The following DSCAM variants were observed in gnomAD, a reference collection of about 807,000 sequenced individuals.
The protein encoded by DSCAM is DS cell adhesion molecule, also known as cell adhesion molecule DSCAM.
In DSCAM, 47 loss-of-function variants were observed where a neutral mutation model predicts 217.7. That is an observed-to-expected ratio of 0.22 (90% CI 0.17 to 0.28). The LOEUF is 0.28. Ranked by LOEUF, DSCAM falls within the 10% of genes least tolerant of loss-of-function variation. The pLI is 1.00. For synonymous variants in DSCAM, 1,056 were observed against 1,015.3 expected (o/e 1.04, Z -0.76); for missense variants, 2,080 against 2,618.3 (o/e 0.79, Z 4.49).
chr21:40,075,313 G>A, intron 26 of DSCAM, 100 bp from the exon 27 acceptor site: 1 of 1,250,562 alleles, frequency 8.0e-7, no homozygotes, highest in Non-Finnish European at 1.1e-6. Context: ...GTGATCCAAG[G>A]GTGTTGGAGG....
intron 5 of DSCAM, among the ~76,000 whole-genome samples, chr21:40,348,170 C>A (rs1182674333): frequency 2.0e-5 from 3 of 152,248 alleles, no homozygotes; most frequent in Admixed American, 2.0e-4. Context: ...CAATCATACT[C>A]CACACAGTTC....
intron 27 of DSCAM, among the ~76,000 whole-genome samples, chr21:40,072,042 C>T (rs1014223221): frequency 2.0e-5 from 3 of 152,214 alleles, no homozygotes; most frequent in East Asian, 1.9e-4. Context: ...TGCACAGTTA[C>T]GGAGATGAGT....
chr21:40,700,701 G>A (rs1183639835), intron 2 of DSCAM, among the ~76,000 whole-genome samples: 2 of 150,802 alleles, frequency 1.3e-5, no homozygotes, highest in Admixed American at 6.6e-5. Context: ...TTTTCTGGAA[G>A]AATTTGTTTA....
chr21:40,531,505 A>G (rs2076446622), intron 3 of DSCAM, among the ~76,000 whole-genome samples: 1 of 152,154 alleles, frequency 6.6e-6, no homozygotes. Flanking sequence ...CCACGTCAGT[A>G]TTTCCACCAC....
At chr21:40,402,606 G>A (rs1484135531) in intron 3 of DSCAM, among the ~76,000 whole-genome samples, 1 of 151,228 alleles carries the variant, frequency 6.6e-6, no homozygotes, top group Non-Finnish European at 1.5e-5. Flanking sequence ...GGCAGACTGT[G>A]GCTCCTTGTA....
At chr21:40,450,120 G>T (rs1334301491) in intron 3 of DSCAM, among the ~76,000 whole-genome samples, 1 of 152,036 alleles carries the variant, frequency 6.6e-6, no homozygotes, top group Non-Finnish European at 1.5e-5. Flanking sequence ...TACAGGAAAT[G>T]GTTAACAAGT....
intron 3 of DSCAM, among the ~76,000 whole-genome samples, chr21:40,625,268 C>T (rs1181286858): frequency 6.6e-6 from 1 of 151,614 alleles, no homozygotes; most frequent in African/African-American, 2.4e-5. Context: ...TCCACATTTT[C>T]CAAAAGAAAA....
At chr21:40,297,691 A>G (rs543586962) in intron 9 of DSCAM, among the ~76,000 whole-genome samples, 1 of 152,332 alleles carries the variant, frequency 6.6e-6, no homozygotes, top group East Asian at 1.9e-4. Context: ...GGAAGGGAAA[A>G]TGTCAAGACA....
In DSCAM at chr21:40,144,348, G is replaced by T; in HGVS notation, c.3259+143C>A. On this transcript the variant is annotated intron_variant, in intron 17 of 32. Coordinates refer to ENST00000400454, the MANE Select transcript of DSCAM (RefSeq NM_001389.5). The surrounding 1 kb of genome is among the most constrained non-coding windows in gnomAD (Gnocchi z 4.8). ...CGGGGTGGGCGAGGTCACGAGGGAA[G>T]GCTTTTCCACCCGAGACCCCAGGCC... 7.3e-7 allele frequency: 1 copy of T among 1,365,524 alleles called. No homozygotes were observed. Among genetic ancestry groups the T allele is most frequent in the Non-Finnish European group, 1.0e-6 (1 of 1,001,526 alleles). 84.6% of individuals were successfully genotyped at this position (1,365,524 alleles called of 1,614,324 possible).
chr21:40,687,394 C>T lies in DSCAM; in HGVS notation c.508+5416G>A, dbSNP rs781103323. Among the ~76,000 whole-genome samples, 6 of 152,164 alleles carry T rather than the reference C, an allele frequency of 3.9e-5. No homozygotes were observed. In the South Asian group the frequency reaches 1.0e-3, roughly 26 times the overall value. ...ACTCAGGTCTCCGCAAGATAGCAGCCACAGCATAGCAGATGTCTGGAAAAT... is the reference window on the plus strand; with the variant it reads ...ACTCAGGTCTCCGCAAGATAGCAGCTACAGCATAGCAGATGTCTGGAAAAT... On this transcript the variant is annotated intron_variant, in intron 3 of 32. Transcript: ENST00000400454.
intron 11 of DSCAM, among the ~76,000 whole-genome samples, chr21:40,238,184 T>C (rs951366850): frequency 6.6e-6 from 1 of 152,120 alleles, no homozygotes. Context: ...CCTCCAGGAA[T>C]AGAAATATAA....
At chr21:40,755,842 A>G (rs995906411) in intron 1 of DSCAM, among the ~76,000 whole-genome samples, 11 of 152,316 alleles carry the variant, frequency 7.2e-5, no homozygotes, top group African/African-American at 2.6e-4. Context: ...TCCTTCATGC[A>G]TGTCCTTTGC....
chr21:40,795,762 T>C (rs1370365574), intron 1 of DSCAM, among the ~76,000 whole-genome samples: 1 of 152,174 alleles, frequency 6.6e-6, no homozygotes, highest in Admixed American at 6.5e-5. Flanking sequence ...AGTCAATCGT[T>C]GTCTAAAATT....
chr21:40,518,670 ATGTGTG>A, intron 3 of DSCAM, among the ~76,000 whole-genome samples: 1 of 138,120 alleles, frequency 7.2e-6, no homozygotes, highest in Non-Finnish European at 1.5e-5. Flanking sequence ...ATATATGTGT[ATGTGTG>A]TGTATGTATA....
At chr21:40,176,290 G>C (rs181746431) in intron 15 of DSCAM, among the ~76,000 whole-genome samples, 1 of 152,024 alleles carries the variant, frequency 6.6e-6, no homozygotes, top group Non-Finnish European at 1.5e-5. Context: ...TGGGCTCTGG[G>C]GAGTCACTAA....
In DSCAM at chr21:40,144,632, C is replaced by T. The variant is rs1352745511; in HGVS notation, c.3118G>A (p.Val1040Ile). Residue 1040 changes from valine to isoleucine, a missense_variant, in exon 17 of 33, where the codon GTC (valine) becomes ATC (isoleucine). Coordinates refer to ENST00000400454, the MANE Select transcript of DSCAM (RefSeq NM_001389.5). This position sits in a 1 kb window ranked among gnomAD's most constrained non-coding sequence, Gnocchi z 4.8. ...GGNFQFNIISVDTSGDSEVYT... is the reference protein window; with the variant it reads ...GGNFQFNIISIDTSGDSEVYT... ...ACCTCACTGTCCCCGCTGGTGTCGA[C>T]ACTGATAATGTTGAATTGGAAGTTA... 1 of 1,614,140 alleles carries T rather than the reference C, an allele frequency of 6.2e-7. No individual in the cohort carries two copies. Among genetic ancestry groups the T allele is most frequent in the Admixed American group, 1.7e-5 (1 of 60,020 alleles).
intron 15 of DSCAM, among the ~76,000 whole-genome samples, chr21:40,176,538 A>G (rs558696300): frequency 5.9e-5 from 9 of 152,304 alleles, no homozygotes; most frequent in African/African-American, 2.2e-4. Context: ...TCTAATGAGG[A>G]TGCCTTTGGC....
At chr21:40,784,264 T>C (rs1006004607) in intron 1 of DSCAM, among the ~76,000 whole-genome samples, 4 of 152,104 alleles carry the variant, frequency 2.6e-5, no homozygotes, top group Admixed American at 2.6e-4. Context: ...ACTGTTCTCA[T>C]GGTGGTGAAT....
At chr21:40,417,657 C>T (rs1013081419) in intron 3 of DSCAM, among the ~76,000 whole-genome samples, 1 of 151,948 alleles carries the variant, frequency 6.6e-6, no homozygotes, top group South Asian at 2.1e-4. Flanking sequence ...AATAACCACC[C>T]AGATATTTCC....
Sources: allele counts gnomAD v4.1 joint callset (sites outside exome capture counted in the v4.1 genomes callset), GRCh38; gene constraint gnomAD v4.1.1; non-coding constraint Gnocchi (gnomAD v3.1); transcripts MANE v1.5; gene names NCBI Gene and HGNC (gene_info 2026-07-23, HGNC 2026-07-21).